FRMD6: variants seen among roughly 807,000 people sequenced by gnomAD.
FRMD6 encodes the protein FERM domain-containing protein 6.
A neutral mutation model predicts 73.2 loss-of-function variants in FRMD6; 37 were observed. That is an observed-to-expected ratio of 0.51 (90% CI 0.39 to 0.66). The LOEUF is 0.66. Ranked by LOEUF, FRMD6 falls within the 30% of genes least tolerant of loss-of-function variation. The pLI is 0.00. For synonymous variants in FRMD6, 273 were observed against 282.2 expected (o/e 0.97, Z 0.33); for missense variants, 714 against 780.5 (o/e 0.91, Z 1.02).
intron 2 of FRMD6, among the ~76,000 whole-genome samples, chr14:51,631,121 G>A (rs1203298866): frequency 6.6e-6 from 1 of 152,050 alleles, no homozygotes; most frequent in African/African-American, 2.4e-5. Context: ...CCCAAGGTGA[G>A]AAACTGAGAA....
the FRMD6 span, among the ~76,000 whole-genome samples, chr14:51,455,658 A>G: frequency 6.6e-6 from 1 of 152,180 alleles, no homozygotes; most frequent in African/African-American, 2.4e-5. Context: ...CTAGGGTCCA[A>G]GAGCAGGAGA....
In FRMD6 at chr14:51,723,938, ATATT is replaced by A. The variant is rs143328397; in HGVS notation, c.1493-1835_1493-1832del. Among the ~76,000 whole-genome samples, 409 of 152,264 alleles carry A rather than the reference ATATT, an allele frequency of 2.7e-3. 2 individuals are homozygous for A. Among genetic ancestry groups the A allele is most frequent in the African/African-American group, 8.7e-3 (360 of 41,558 alleles). On this transcript the variant is annotated intron_variant, in intron 12 of 13. Transcript: ENST00000344768. The stretch of plus-strand genomic sequence containing the variant: ...AAATGTCATCTAATTAAAAACAAGA[ATATT>A]TATTTGTGTATTTTAAAAACGTAAA...
chr14:51,459,172 C>T, the FRMD6 span, among the ~76,000 whole-genome samples: 1 of 152,216 alleles, frequency 6.6e-6, no homozygotes, highest in African/African-American at 2.4e-5. Context: ...TTCTCTGTAG[C>T]AACAAAGCGC....
intron 1 of FRMD6, among the ~76,000 whole-genome samples, chr14:51,544,507 T>C (rs1441406838): frequency 6.6e-6 from 1 of 152,016 alleles, no homozygotes; most frequent in Non-Finnish European, 1.5e-5. Context: ...TTGAAAACAA[T>C]ATGTATAAGT....
upstream of FRMD6, among the ~76,000 whole-genome samples, chr14:51,486,075 C>T (rs927219923): frequency 6.6e-6 from 1 of 151,382 alleles, no homozygotes; most frequent in African/African-American, 2.4e-5. Flanking sequence ...CGCACTGTCA[C>T]CCAGGCTGGA....
At chr14:51,526,131 G>C (rs1009910431) in intron 1 of FRMD6, among the ~76,000 whole-genome samples, 1 of 152,194 alleles carries the variant, frequency 6.6e-6, no homozygotes, top group African/African-American at 2.4e-5. Flanking sequence ...CCCTGCTCTT[G>C]ATAGGGACTA....
intron 2 of FRMD6, among the ~76,000 whole-genome samples, chr14:51,606,231 A>C (rs540409128): frequency 4.0e-5 from 6 of 151,820 alleles, no homozygotes; most frequent in African/African-American, 1.4e-4. Flanking sequence ...AAATATCCTC[A>C]AACTCACCAA....
chr14:51,664,564 T>C (rs1431635970), intron 1 of FRMD6, among the ~76,000 whole-genome samples: 3 of 152,250 alleles, frequency 2.0e-5, no homozygotes, highest in Non-Finnish European at 4.4e-5. Flanking sequence ...TTGTTACATA[T>C]ATTTTAGTGT....
At chr14:51,487,355 A>G (rs1882789506), upstream of FRMD6, among the ~76,000 whole-genome samples, 1 of 152,244 alleles carries the variant, frequency 6.6e-6, no homozygotes, top group Non-Finnish European at 1.5e-5. Context: ...AACAAATTAT[A>G]GGTACTGGAA....
chr14:51,470,994 C>T, the FRMD6 span, among the ~76,000 whole-genome samples: 1 of 152,094 alleles, frequency 6.6e-6, no homozygotes, highest in Non-Finnish European at 1.5e-5. Context: ...CCATAAATGC[C>T]AGTTAGATAG....
chr14:51,551,186 A>G (rs1886806986), intron 1 of FRMD6, among the ~76,000 whole-genome samples: 1 of 152,190 alleles, frequency 6.6e-6, no homozygotes, highest in Non-Finnish European at 1.5e-5. Flanking sequence ...GCTATTTGCC[A>G]CTGGAAACTG....
intron 1 of FRMD6, among the ~76,000 whole-genome samples, chr14:51,493,663 A>G (rs528126923): frequency 6.6e-6 from 1 of 152,326 alleles, no homozygotes; most frequent in South Asian, 2.1e-4. Context: ...GAACTAATAC[A>G]CGAGGAAATG....
At chr14:51,439,192 AAAAGTGTAAC>A in the FRMD6 span, among the ~76,000 whole-genome samples, 1 of 152,266 alleles carries the variant, frequency 6.6e-6, no homozygotes, top group Non-Finnish European at 1.5e-5. Flanking sequence ...ACCAACAGGC[AAAAGTGTAAC>A]AACCTATGTA....
chr14:51,429,479 A>G, the FRMD6 span, among the ~76,000 whole-genome samples: 1 of 152,032 alleles, frequency 6.6e-6, no homozygotes, highest in African/African-American at 2.4e-5. Context: ...TTACCAAACC[A>G]TTTTCTTCTC....
the FRMD6 span, among the ~76,000 whole-genome samples, chr14:51,461,854 G>A: frequency 6.6e-6 from 1 of 152,196 alleles, no homozygotes; most frequent in Middle Eastern, 3.2e-3. Flanking sequence ...CCAGCTGGTG[G>A]GTGTTACTTC....
intron 1 of FRMD6, among the ~76,000 whole-genome samples, chr14:51,560,049 A>G (rs907359614): frequency 5.4e-5 from 8 of 147,558 alleles, no homozygotes; most frequent in Non-Finnish European, 1.2e-4. Context: ...AAGCTTTTCT[A>G]TCCTGGGACT....
chr14:51,398,913 G>T, the FRMD6 span, among the ~76,000 whole-genome samples: 1 of 152,124 alleles, frequency 6.6e-6, no homozygotes, highest in Non-Finnish European at 1.5e-5. Context: ...CAGATTGCCA[G>T]TGTGTACAGA....
the FRMD6 span, among the ~76,000 whole-genome samples, chr14:51,476,918 A>G: frequency 1.3e-5 from 2 of 152,250 alleles, no homozygotes; most frequent in Non-Finnish European, 2.9e-5. Context: ...AACTATAGGG[A>G]AGACTGCAGA....
chr14:51,645,045 A>G (rs893182022), intron 2 of FRMD6, among the ~76,000 whole-genome samples: 4 of 152,196 alleles, frequency 2.6e-5, no homozygotes, highest in African/African-American at 9.7e-5. Context: ...TCTTTCCTTG[A>G]AGAACTGAAG....
Sources: allele counts gnomAD v4.1 joint callset (sites outside exome capture counted in the v4.1 genomes callset), GRCh38; gene constraint gnomAD v4.1.1; transcripts MANE v1.5; gene names NCBI Gene and HGNC (gene_info 2026-07-23, HGNC 2026-07-21).